The following GRM7 variants were observed in gnomAD, a reference collection of about 807,000 sequenced individuals.
GRM7 encodes the protein metabotropic glutamate receptor 7.
A neutral mutation model predicts 84.5 loss-of-function variants in GRM7; 35 were observed. The ratio of observed to expected loss-of-function variants is 0.41; its 90% CI spans 0.32 to 0.55. The LOEUF (loss-of-function observed/expected upper bound fraction) is 0.55. Ranked by LOEUF, GRM7 falls within the 20% of genes least tolerant of loss-of-function variation. The pLI is 0.19. For missense variants in GRM7, 1,003 were observed against 1,194.6 expected (o/e 0.84, Z 2.36); for synonymous variants, 487 against 455.1 (o/e 1.07, Z -0.89).
At chr3:7,127,959 T>C (rs557230129) in intron 1 of GRM7, among the ~76,000 whole-genome samples, 2 of 152,184 alleles carry the variant, frequency 1.3e-5, no homozygotes, top group Middle Eastern at 3.4e-3. Flanking sequence ...GGCATAATAG[T>C]GCCAGCCTGG....
Position 7,113,585 on chromosome 3 carries a change from T to G in GRM7, c.520-32867T>G, listed in dbSNP as rs185244493. Among the ~76,000 whole-genome samples, 310 of 152,288 alleles carry G rather than the reference T, an allele frequency of 2.0e-3. 1 individual carries two copies. The highest frequency in any genetic ancestry group is 7.0e-3 in the African/African-American group (293 of 41,566). On this transcript the variant is annotated intron_variant, in intron 1 of 9. Coordinates refer to ENST00000357716, the MANE Select transcript of GRM7 (RefSeq NM_000844.4). ...CACCATCACCCAGAGTTCATAAGTT[T>G]ATTTTAGGGTTCACTCTTGGTGTTG...
At chr3:7,520,668 C>A (rs1700561784) in intron 7 of GRM7, among the ~76,000 whole-genome samples, 1 of 152,072 alleles carries the variant, frequency 6.6e-6, no homozygotes, top group Non-Finnish European at 1.5e-5. Flanking sequence ...TTTCCTGGAG[C>A]CTGATTCACA....
chr3:7,418,138 G>A (rs562290741), intron 5 of GRM7, among the ~76,000 whole-genome samples: 39 of 152,196 alleles, frequency 2.6e-4, no homozygotes, highest in Middle Eastern at 6.8e-3. Flanking sequence ...TCCACCTAAA[G>A]TCTTAAAGAA....
At chr3:7,291,583 G>A (rs1396916516) in intron 2 of GRM7, among the ~76,000 whole-genome samples, 1 of 148,202 alleles carries the variant, frequency 6.7e-6, no homozygotes, top group Non-Finnish European at 1.5e-5. Flanking sequence ...TTTTTACCAA[G>A]GGAGTAAAAC....
rs1193991005 is a variant in GRM7, at chr3:7,415,004, T to C, written c.1034-19T>C. ...GCAGTGCCCCGCAAGCAATGACCTT[T>C]TCATTTAACTCTGTTTAGGGTTTGA... is the stretch of plus-strand genomic sequence containing the variant. On this transcript the variant is annotated intron_variant, in intron 4 of 9. Coordinates refer to ENST00000357716, the MANE Select transcript of GRM7 (RefSeq NM_000844.4). The C allele has an allele frequency of 6.3e-7, 1 of 1,597,754 alleles. No individual in the cohort carries two copies. Among genetic ancestry groups the C allele is most frequent in the East Asian group, 2.3e-5 (1 of 44,336 alleles).
At chr3:7,025,255 T>G (rs1695938558) in intron 1 of GRM7, among the ~76,000 whole-genome samples, 1 of 152,194 alleles carries the variant, frequency 6.6e-6, no homozygotes, top group Admixed American at 6.5e-5. Flanking sequence ...ACTCCACCTA[T>G]GACTTTAGTT....
intron 2 of GRM7, among the ~76,000 whole-genome samples, chr3:7,262,122 T>C (rs1434881348): frequency 1.3e-5 from 2 of 151,690 alleles, no homozygotes; most frequent in Admixed American, 1.3e-4. Flanking sequence ...CATTTTGACC[T>C]TAGAGAATCT....
intron 1 of GRM7, among the ~76,000 whole-genome samples, chr3:7,095,107 G>C (rs1381739395): frequency 6.6e-6 from 1 of 151,848 alleles, no homozygotes; most frequent in Non-Finnish European, 1.5e-5. Flanking sequence ...TTGATTTACA[G>C]CAATGCCCAA....
chr3:7,096,233 C>T (rs1022622588), intron 1 of GRM7, among the ~76,000 whole-genome samples: 1 of 152,030 alleles, frequency 6.6e-6, no homozygotes, highest in Non-Finnish European at 1.5e-5. Context: ...CCTAGTGATG[C>T]TAACCACCTG....
chr3:7,179,320 C>A (rs78791495), intron 2 of GRM7, among the ~76,000 whole-genome samples: 2,267 of 152,290 alleles, frequency 0.015, 58 homozygotes, highest in African/African-American at 0.052. Flanking sequence ...CCCTCCCAAT[C>A]ATTTCTGTTT....
In GRM7 at chr3:7,645,859, G is replaced by A. The variant is rs570746972; in HGVS notation, c.2452-34190G>A. On this transcript the variant is annotated intron_variant, in intron 8 of 9. Coordinates refer to ENST00000357716, the MANE Select transcript of GRM7 (RefSeq NM_000844.4). Reference sequence around the variant, plus strand: ...TCCTTTCCATGTCCAAAGTCTCCTGGGAGTACACTGAGACAGAACTTATCA... The same window carrying A: ...TCCTTTCCATGTCCAAAGTCTCCTGAGAGTACACTGAGACAGAACTTATCA... Among the ~76,000 whole-genome samples, 351 of 152,240 alleles carry A rather than the reference G, an allele frequency of 2.3e-3. 5 individuals carry two copies. The highest frequency in any genetic ancestry group is 2.9e-3 in the Non-Finnish European group (196 of 68,026).
chr3:7,350,719 C>A (rs1390482320), intron 4 of GRM7, among the ~76,000 whole-genome samples: 1 of 151,990 alleles, frequency 6.6e-6, no homozygotes, highest in Non-Finnish European at 1.5e-5. Context: ...TTTTCTCCTC[C>A]TTTTAGTGAA....
chr3:7,152,293 A>G (rs1694310410), intron 2 of GRM7, among the ~76,000 whole-genome samples: 1 of 152,132 alleles, frequency 6.6e-6, no homozygotes, highest in African/African-American at 2.4e-5. Context: ...TATAGTTATC[A>G]TTATCCATTC....
rs1698487104 is a variant in GRM7, at chr3:7,262,877, T to C, written c.737-35807T>C. ...TGCACCCAGCTAATTTTTGTATTTA[T>C]AGTAGAGATGGGATTTCACCATGTT... On this transcript the variant is annotated intron_variant, in intron 2 of 9. Transcript: ENST00000357716. 1.3e-5 allele frequency among the ~76,000 whole-genome samples: 2 copies of C among 152,156 alleles called. 1 individual carries two copies. Among genetic ancestry groups the C allele is most frequent in the South Asian group, 4.1e-4 (2 of 4,830 alleles).
chr3:7,109,544 C>G (rs1049987874), intron 1 of GRM7, among the ~76,000 whole-genome samples: 28 of 152,114 alleles, frequency 1.8e-4, no homozygotes, highest in Non-Finnish European at 3.2e-4. Flanking sequence ...AGTAGACTTA[C>G]TGTCCAGGAA....
At chr3:7,099,290 A>T (rs549823839) in intron 1 of GRM7, among the ~76,000 whole-genome samples, 1 of 146,924 alleles carries the variant, frequency 6.8e-6, no homozygotes, top group South Asian at 2.1e-4. Flanking sequence ...TGTATTATAC[A>T]TGTATATATG....
chr3:7,155,203 C>CT (rs1320763555), intron 2 of GRM7, among the ~76,000 whole-genome samples: 3 of 152,078 alleles, frequency 2.0e-5, no homozygotes, highest in East Asian at 3.9e-4. Context: ...TGGCACTTGC[C>CT]TATGTTTGGC....
intron 4 of GRM7, among the ~76,000 whole-genome samples, chr3:7,385,588 C>G (rs1264945152): frequency 6.6e-6 from 1 of 152,144 alleles, no homozygotes; most frequent in Non-Finnish European, 1.5e-5. Context: ...GTGTGAGCCA[C>G]TGCACCCGGC....
chr3:7,397,664 C>A (rs1049530324), intron 4 of GRM7, among the ~76,000 whole-genome samples: 1 of 151,930 alleles, frequency 6.6e-6, no homozygotes, highest in African/African-American at 2.4e-5. Flanking sequence ...TCACATGTAC[C>A]CCATAAATAT....
Sources: gnomAD v4.1 joint callset for allele counts (sites outside exome capture counted in the v4.1 genomes callset) on GRCh38, gnomAD v4.1.1 for gene constraint, MANE v1.5 for transcripts, NCBI Gene and HGNC (gene_info 2026-07-23, HGNC 2026-07-21) for gene names.